RGPD4: variants seen among roughly 807,000 people sequenced by gnomAD.
RGPD4 encodes RANBP2 like and GRIP domain containing 4.
RGPD4 carries 84 observed loss-of-function variants against 141.1 expected under a neutral mutation model. The observed-to-expected ratio is 0.60, with a 90% CI of 0.50 to 0.71. The LOEUF is 0.71. Among genes scored for constraint, RGPD4 ranks in the 30% least tolerant of loss-of-function variants. RGPD4 has a pLI of 0.00. For missense variants in RGPD4, 918 were observed against 1,622.4 expected (o/e 0.57, Z 7.46); for synonymous variants, 298 against 566.8 (o/e 0.53, Z 6.74).
At chr2:107,884,316 G>C (rs1186893157) in intron 22 of RGPD4, among the ~76,000 whole-genome samples, 2 of 152,160 alleles carry the variant, frequency 1.3e-5, no homozygotes, top group Non-Finnish European at 2.9e-5. Flanking sequence ...TGGCCAGGAT[G>C]GTCTCAATCT....
In RGPD4 at chr2:107,872,593, C is replaced by A. The variant is rs777575922; in HGVS notation, c.4589C>A (p.Thr1530Lys). The A allele has an allele frequency of 6.3e-7, 1 of 1,596,508 alleles. No homozygotes were observed. Among genetic ancestry groups the A allele is most frequent in the Admixed American group, 1.7e-5 (1 of 58,404 alleles). ...VEVSSTSETT[T>K]KAVVSPPKFV... ...GTGTCTAGCACATCTGAAACAACAA[C>A]AAAAGCAGTGGTTTCTCCTCCAAAG... The change falls in exon 20 of 23, where the codon ACA (threonine) becomes AAA (lysine). Residue 1530 changes from threonine to lysine, a missense_variant. Physicochemically the swap from Thr to Lys is moderately conservative, Grantham distance 78 (BLOSUM62 -1). Coordinates refer to ENST00000408999, the MANE Select transcript of RGPD4 (RefSeq NM_182588.3).
At chr2:107,830,169 C>A (rs1343651590) in intron 1 of RGPD4, among the ~76,000 whole-genome samples, 3 of 151,714 alleles carry the variant, frequency 2.0e-5, no homozygotes, top group South Asian at 2.1e-4. Flanking sequence ...TTGGTAGCTG[C>A]CTTTGCTTAA....
At chr2:107,834,526 C>G (rs1193106414) in intron 1 of RGPD4, among the ~76,000 whole-genome samples, 9 of 152,110 alleles carry the variant, frequency 5.9e-5, no homozygotes. Flanking sequence ...GTATGTGCTC[C>G]CCACCCGCTA....
intron 20 of RGPD4, among the ~76,000 whole-genome samples, chr2:107,876,375 C>T (rs1683092012): frequency 6.6e-6 from 1 of 150,844 alleles, no homozygotes; most frequent in African/African-American, 2.5e-5. Context: ...AGGCATGAGC[C>T]ACTGCGCCTG....
chr2:107,831,478 T>G (rs1267085011), intron 1 of RGPD4, among the ~76,000 whole-genome samples: 16 of 149,448 alleles, frequency 1.1e-4, no homozygotes, highest in South Asian at 1.1e-3. Context: ...GCCCTTTACA[T>G]CTATACTTCA....
chr2:107,855,507 T>G (rs1448404115), intron 8 of RGPD4, among the ~76,000 whole-genome samples: 2 of 152,136 alleles, frequency 1.3e-5, no homozygotes, highest in Non-Finnish European at 2.9e-5. Flanking sequence ...AAATTGCCTG[T>G]ATTTTTTTTT....
At chr2:107,844,973 C>T (rs1573476490) in intron 6 of RGPD4, among the ~76,000 whole-genome samples, 1 of 141,192 alleles carries the variant, frequency 7.1e-6, no homozygotes, top group African/African-American at 2.7e-5. Context: ...GTAGCTGGGA[C>T]CACAGGCGCA....
chr2:107,835,477 C>T (rs1681637499), intron 1 of RGPD4, among the ~76,000 whole-genome samples: 2 of 140,968 alleles, frequency 1.4e-5, no homozygotes, highest in South Asian at 4.9e-4. Context: ...GCCTTTTTGA[C>T]TCCTTGACTG....
chr2:107,859,558 A>G lies in RGPD4; in HGVS notation c.1634+4A>G, dbSNP rs1242419542. On this transcript the variant is annotated splice_donor_region_variant and intron_variant, in intron 11 of 22. Coordinates refer to ENST00000408999, the MANE Select transcript of RGPD4 (RefSeq NM_182588.3). ...CTCTGATTCACAGAAAAGCAGTGTA[A>G]GTAGTAAAACAAAAATATTGCTTTC... The G allele has an allele frequency of 6.2e-7, 1 of 1,611,490 alleles. No individual in the cohort carries two copies. The highest frequency in any genetic ancestry group is 8.5e-7 in the Non-Finnish European group (1 of 1,179,856).
intron 1 of RGPD4, among the ~76,000 whole-genome samples, chr2:107,831,761 C>T (rs1389771518): frequency 6.8e-6 from 1 of 146,386 alleles, no homozygotes; most frequent in Non-Finnish European, 1.5e-5. Context: ...TTAGTAGAGA[C>T]GGGGTTTCAC....
chr2:107,846,573 T>C (rs928586328), intron 6 of RGPD4, among the ~76,000 whole-genome samples: 4 of 149,108 alleles, frequency 2.7e-5, no homozygotes, highest in Non-Finnish European at 5.9e-5. Flanking sequence ...TTCAAGCGAT[T>C]CTCCTGCCTC....
Position 107,872,064 on chromosome 2 carries a change from G to T in RGPD4, c.4060G>T (p.Glu1354Ter). 1 of 1,611,608 alleles carries T rather than the reference G, an allele frequency of 6.2e-7. No homozygotes were observed. Among genetic ancestry groups the T allele is most frequent in the Non-Finnish European group, 8.5e-7 (1 of 1,179,850 alleles). The change falls in exon 20 of 23, where the codon GAA becomes TAA. Residue 1354 changes from glutamate to a stop codon, truncating the protein, a stop_gained. Coordinates refer to ENST00000408999, the MANE Select transcript of RGPD4 (RefSeq NM_182588.3). LOFTEE classifies it high-confidence loss of function. Reference sequence around the variant, plus strand: ...TGAAGTATCCAGTGGTGAGGAAAATGAAAAAGTTGTTTTTAGTCACAGGGC... The same window carrying T: ...TGAAGTATCCAGTGGTGAGGAAAATTAAAAAGTTGTTTTTAGTCACAGGGC... The part of the protein sequence containing the change: ...LVEVSSGEEN[E>*]KVVFSHRAEL...
In RGPD4 at chr2:107,850,771, C is replaced by T. The variant is rs1471727769; in HGVS notation, c.978+2235C>T. ...ACGCCATTCTCCTGCCTCAGCCTCC[C>T]GAGTAGCTGGGACTACAGGCACCCA... On this transcript the variant is annotated intron_variant, in intron 7 of 22. Transcript: ENST00000408999. Among the ~76,000 whole-genome samples the T allele has an allele frequency of 1.7e-3, 21 of 12,624 alleles. 2 individuals carry two copies. Among genetic ancestry groups the T allele is most frequent in the Non-Finnish European group, 3.1e-3 (18 of 5,784 alleles). 8.3% of individuals were successfully genotyped at this position (12,624 alleles called of 152,430 possible). A position where few individuals can be genotyped will look rare whatever the true frequency, so the allele number is the denominator to read the frequency against.
chr2:107,886,068 A>G (rs1675502405), intron 22 of RGPD4, among the ~76,000 whole-genome samples: 1 of 150,528 alleles, frequency 6.6e-6, no homozygotes, highest in Admixed American at 6.6e-5. Context: ...AAAAAAAAAA[A>G]AAGTAAACTA....
Position 107,870,733 on chromosome 2 carries a change from C to T in RGPD4, c.2729C>T (p.Thr910Ile). The change falls in exon 20 of 23, where the codon ACC becomes ATC. Residue 910 changes from threonine (T) to isoleucine (I), a missense_variant. Transcript: ENST00000408999. ...TCTTCTAATACAGAATTTAAGTCAACCAAAGAAGGATTTTCCATCCCTGTG... is the reference window on the plus strand; with the variant it reads ...TCTTCTAATACAGAATTTAAGTCAATCAAAGAAGGATTTTCCATCCCTGTG... ...KGSSNTEFKS[T>I]KEGFSIPVSA... 1 of 1,609,534 alleles carries T rather than the reference C, an allele frequency of 6.2e-7. No individual in the cohort carries two copies.
At chr2:107,889,666 G>T (rs868507373) in intron 22 of RGPD4, among the ~76,000 whole-genome samples, 1 of 152,078 alleles carries the variant, frequency 6.6e-6, no homozygotes, top group African/African-American at 2.4e-5. Flanking sequence ...GCCAGGCCTT[G>T]GTCGGTGGTG....
At chr2:107,858,671 T>G (rs938853182) in intron 9 of RGPD4, among the ~76,000 whole-genome samples, 2 of 150,142 alleles carry the variant, frequency 1.3e-5, no homozygotes, top group Admixed American at 6.7e-5. Context: ...AACTCCTGAC[T>G]GCGCATAACC....
chr2:107,882,851 A>T lies in RGPD4; in HGVS notation c.5244A>T (p.Gly1748=). ...TGCAGCTCAGCCCTGAAGAAAAGGG[A>T]AAACTTGCTGCGGTTGCTCAAGGTG... is the stretch of plus-strand genomic sequence containing the variant. ...TMLQLSPEEK[G]KLAAVAQGEE The change falls in exon 22 of 23, where the codon GGA becomes GGT. Residue 1748 remains glycine (G), a synonymous_variant. Coordinates refer to ENST00000408999, the MANE Select transcript of RGPD4 (RefSeq NM_182588.3). 1 of 1,609,358 alleles carries T rather than the reference A, an allele frequency of 6.2e-7. No homozygotes were observed. The highest frequency in any genetic ancestry group is 8.5e-7 in the Non-Finnish European group (1 of 1,178,998).
In RGPD4 at chr2:107,827,072, C is replaced by T. The variant is rs753552830; in HGVS notation, c.59C>T (p.Pro20Leu). 1.5e-5 allele frequency: 24 copies of T among 1,591,072 alleles called. No homozygotes were observed. In the South Asian group the frequency reaches 1.8e-4, roughly 12 times the overall value. ...RYVASVQGSA[P>L]SPRKKSTRGF... ...GTCGCCTCCGTGCAGGGCTCCGCCC[C>T]GTCGCCTCGAAAGGTGAGTGGATCT... Residue 20 changes from proline to leucine, a missense_variant, in exon 1 of 23, where the codon CCG becomes CTG. Pro to Leu is a moderately conservative substitution (Grantham distance 98, BLOSUM62 -3). Transcript: ENST00000408999.
Sources: gnomAD v4.1 joint callset for allele counts (sites outside exome capture counted in the v4.1 genomes callset) on GRCh38, gnomAD v4.1.1 for gene constraint, MANE v1.5 for transcripts, NCBI Gene and HGNC (gene_info 2026-07-23, HGNC 2026-07-21) for gene names.